SMYD2: variants seen among roughly 807,000 people sequenced by gnomAD.
SMYD2 encodes N-lysine methyltransferase SMYD2.
SMYD2 carries 53 observed loss-of-function variants against 59.1 expected under a neutral mutation model. The observed-to-expected ratio is 0.90, with a 90% CI of 0.72 to 1.13. The LOEUF (loss-of-function observed/expected upper bound fraction) is 1.13. Among genes scored for constraint, SMYD2 ranks in the 50% most tolerant of loss-of-function variants. The pLI, the probability that SMYD2 is intolerant of heterozygous loss-of-function variation, is 0.00. For synonymous variants in SMYD2, 208 were observed against 198.8 expected, an observed-to-expected ratio of 1.05 and a Z score of -0.39; for missense variants, 494 against 544.7, an observed-to-expected ratio of 0.91 and a Z score of 0.93.
At position 214,319,123 on chromosome 1, in the gene SMYD2, G is replaced by A. The variant is rs773037053; in HGVS notation, c.534+140G>A. 3.6e-5 allele frequency: 41 copies of A among 1,141,296 alleles called. 1 individual carries two copies. The highest frequency in any genetic ancestry group is 5.5e-4 in the Middle Eastern group (2 of 3,632). 70.7% of individuals were successfully genotyped at this position (1,141,296 alleles called of 1,614,324 possible). On this transcript the variant is annotated intron_variant, in intron 5 of 11. Coordinates refer to ENST00000366957, the MANE Select transcript of SMYD2 (RefSeq NM_020197.3). ...AACGAAGCTCTGAGCCAATTGGACC[G>A]TGTGTTGCCATAGCCTTGCTCAGTG...
chr1:214,318,260 T>C lies in SMYD2; in HGVS notation c.409+121T>C, dbSNP rs1657116000. The C allele has an allele frequency of 5.7e-6, 5 of 884,126 alleles. No homozygotes were observed. The highest frequency in any genetic ancestry group is 2.8e-5 in the Admixed American group (1 of 35,280). The allele number at this position is 884,126 out of a possible 1,614,324, so 54.8% of individuals were successfully genotyped here. Reference sequence around the variant, plus strand: ...GAGGAGTAGTGATTTCTTTGATTACTAGTTTTTATTTTTACTCTTGTGCTG... The same window carrying C: ...GAGGAGTAGTGATTTCTTTGATTACCAGTTTTTATTTTTACTCTTGTGCTG... On this transcript the variant is annotated intron_variant, in intron 4 of 11. Coordinates refer to ENST00000366957, the MANE Select transcript of SMYD2 (RefSeq NM_020197.3). The surrounding 1 kb of genome is among the most constrained non-coding windows in gnomAD (Gnocchi z 5.4).
chr1:214,292,480 A>G (rs1030869673), intron 1 of SMYD2, among the ~76,000 whole-genome samples: 23 of 152,132 alleles, frequency 1.5e-4, no homozygotes, highest in East Asian at 3.9e-4. Context: ...CCTTTATCAC[A>G]CTTGCTCCTT....
chr1:214,319,785 A>G (rs949252380), intron 5 of SMYD2, among the ~76,000 whole-genome samples: 1 of 152,198 alleles, frequency 6.6e-6, no homozygotes, highest in Non-Finnish European at 1.5e-5. Flanking sequence ...ATCTAGTTTA[A>G]AGTGACCTTC....
intron 5 of SMYD2, among the ~76,000 whole-genome samples, chr1:214,324,164 C>T (rs1370946941): frequency 2.6e-5 from 4 of 151,590 alleles, no homozygotes; most frequent in East Asian, 3.9e-4. Flanking sequence ...TTCGAACTCC[C>T]GACCTCAGGT....
chr1:214,328,835 A>G (rs1657303277), intron 7 of SMYD2, among the ~76,000 whole-genome samples: 1 of 152,160 alleles, frequency 6.6e-6, no homozygotes, highest in Non-Finnish European at 1.5e-5. Context: ...CTGAGTTTCC[A>G]AAGGTCTTAT....
intron 1 of SMYD2, among the ~76,000 whole-genome samples, chr1:214,304,483 C>T (rs533391529): frequency 4.4e-5 from 6 of 135,958 alleles, no homozygotes; most frequent in East Asian, 4.7e-4. Context: ...GGCCTACGCC[C>T]GGGAAGTCGA....
At chr1:214,285,186 A>G (rs1167688789) in intron 1 of SMYD2, among the ~76,000 whole-genome samples, 3 of 113,014 alleles carry the variant, frequency 2.7e-5, no homozygotes, top group Admixed American at 1.6e-4. Context: ...AGCAGTTATA[A>G]AGGCTTTTTT....
intron 5 of SMYD2, among the ~76,000 whole-genome samples, chr1:214,324,183 C>T (rs1571932172): frequency 6.6e-6 from 1 of 152,182 alleles, no homozygotes; most frequent in African/African-American, 2.4e-5. Context: ...GTGATCTGCC[C>T]GCCTCAGCTT....
chr1:214,301,966 A>T (rs989783573), intron 1 of SMYD2, among the ~76,000 whole-genome samples: 20 of 152,180 alleles, frequency 1.3e-4, no homozygotes, highest in Non-Finnish European at 2.5e-4. Flanking sequence ...AGATTTAGTA[A>T]AGTTAATATT....
chr1:214,281,284 G>A lies in SMYD2; in HGVS notation c.30G>A (p.Glu10=). MRAEGLGGL[E]RFCSPGKGRG... ...GGGCCGAGGGCCTCGGCGGCCTGGA[G>A]CGCTTCTGCAGCCCGGGCAAAGGCC... is the stretch of plus-strand genomic sequence containing the variant. Residue 10 remains glutamate (E), a synonymous_variant, in exon 1 of 12, where the codon GAG becomes GAA. Coordinates refer to ENST00000366957, the MANE Select transcript of SMYD2 (RefSeq NM_020197.3). 2 of 1,325,066 alleles carry A rather than the reference G, an allele frequency of 1.5e-6. No homozygotes were observed. The highest frequency in any genetic ancestry group is 1.9e-6 in the Non-Finnish European group (2 of 1,029,806). 82.1% of individuals were successfully genotyped at this position (1,325,066 alleles called of 1,614,324 possible).
rs1351472469 is a variant in SMYD2, at chr1:214,314,745, T to G, written c.238-17T>G. The G allele has an allele frequency of 6.3e-7, 1 of 1,597,096 alleles. No homozygotes were observed. Among genetic ancestry groups the G allele is most frequent in the Admixed American group, 1.7e-5 (1 of 59,860 alleles). ...GTATGTGCTATTTTTTAATAATGTT[T>G]TTTTCAATCTTCCCAGAAAGAAGAT... On this transcript the variant is annotated splice_polypyrimidine_tract_variant and intron_variant, in intron 2 of 11. Transcript: ENST00000366957.
chr1:214,314,350 G>C (rs1657047644), intron 2 of SMYD2, among the ~76,000 whole-genome samples: 5 of 152,102 alleles, frequency 3.3e-5, no homozygotes, highest in Admixed American at 3.3e-4. Context: ...TCCATTATTT[G>C]CCCTGACGTG....
At chr1:214,311,226 G>GAATC (rs1304821454) in intron 2 of SMYD2, among the ~76,000 whole-genome samples, 1 of 152,184 alleles carries the variant, frequency 6.6e-6, no homozygotes, top group Non-Finnish European at 1.5e-5. Context: ...ATGAATGAAT[G>GAATC]AATGAGCAAT....
rs2102467182 is a variant in SMYD2, at chr1:214,312,155, T to G, written c.238-2607T>G. On this transcript the variant is annotated intron_variant, in intron 2 of 11. Coordinates refer to ENST00000366957, the MANE Select transcript of SMYD2 (RefSeq NM_020197.3). The surrounding 1 kb of genome is among the most constrained non-coding windows in gnomAD (Gnocchi z 4.1). ...TTTTCCTCCCTGCTCTTAGTTATAT[T>G]TGGCGCGGCATTATTTAACTCTGCA... Among the ~76,000 whole-genome samples, 1 of 152,304 alleles carries G rather than the reference T, an allele frequency of 6.6e-6. No homozygotes were observed.
chr1:214,299,482 T>TATATATATAC (rs751839365), intron 1 of SMYD2, among the ~76,000 whole-genome samples: 765 of 45,902 alleles, frequency 0.017, 15 homozygotes, highest in South Asian at 0.095. Context: ...TATATATATA[T>TATATATATAC]ACACCATAGA....
chr1:214,312,727 G>A lies in SMYD2; in HGVS notation c.238-2035G>A, dbSNP rs115051021. Among the ~76,000 whole-genome samples the A allele has an allele frequency of 2.6e-4, 39 of 152,326 alleles. No homozygotes were observed. The highest frequency in any genetic ancestry group is 7.7e-4 in the African/African-American group (32 of 41,582). On this transcript the variant is annotated intron_variant, in intron 2 of 11. Transcript: ENST00000366957. This position sits in a 1 kb window ranked among gnomAD's most constrained non-coding sequence, Gnocchi z 4.1. The stretch of plus-strand genomic sequence containing the variant: ...AGTGCAGTGAGGCAGGTGAGAGTAC[G>A]GTGGGGGATGATGGGCTGGGGTGGT...
At chr1:214,294,538 C>T (rs373577925) in intron 1 of SMYD2, among the ~76,000 whole-genome samples, 1 of 152,112 alleles carries the variant, frequency 6.6e-6, no homozygotes, top group East Asian at 1.9e-4. Context: ...CGTGGTGGTT[C>T]ATGTCTGTAA....
chr1:214,291,913 TA>T (rs1330812376), intron 1 of SMYD2, among the ~76,000 whole-genome samples: 1 of 152,190 alleles, frequency 6.6e-6, no homozygotes, highest in Non-Finnish European at 1.5e-5. Context: ...AACAGCACTC[TA>T]AAAAAACCTT....
rs921329532 is a variant in SMYD2 at position 214,312,787 on chromosome 1, T to A, written c.238-1975T>A. Among the ~76,000 whole-genome samples, 1 of 152,156 alleles carries A rather than the reference T, an allele frequency of 6.6e-6. No homozygotes were observed. Among genetic ancestry groups the A allele is most frequent in the Non-Finnish European group, 1.5e-5 (1 of 68,030 alleles). ...CTCCCATCACGTGTGGCCTCCTAGG[T>A]CACCTTTAGCGCTTGGCCTTTTGCC... On this transcript the variant is annotated intron_variant, in intron 2 of 11. Transcript: ENST00000366957. This position sits in a 1 kb window ranked among gnomAD's most constrained non-coding sequence, Gnocchi z 4.1.
Sources: allele counts gnomAD v4.1 joint callset (sites outside exome capture counted in the v4.1 genomes callset), GRCh38; gene constraint gnomAD v4.1.1; non-coding constraint Gnocchi (gnomAD v3.1); transcripts MANE v1.5; gene names NCBI Gene and HGNC (gene_info 2026-07-23, HGNC 2026-07-21).